ODAD2: variants seen among roughly 807,000 people sequenced by gnomAD.
The protein encoded by ODAD2 is outer dynein arm docking complex subunit 2, also known as outer dynein arm-docking complex subunit 2.
In ODAD2, 89 loss-of-function variants were observed where a neutral mutation model predicts 106.8. That is an observed-to-expected ratio of 0.83 (90% CI 0.70 to 0.99). The LOEUF (loss-of-function observed/expected upper bound fraction) is 0.99. Among genes scored for constraint, ODAD2 ranks in the 50% least tolerant of loss-of-function variants. The pLI is 0.00. For missense variants in ODAD2, 1,168 were observed against 1,238.5 expected (o/e 0.94, Z 0.85); for synonymous variants, 404 against 436.2 (o/e 0.93, Z 0.92).
At chr10:27,989,162 T>C (rs952913731) in intron 2 of ODAD2, among the ~76,000 whole-genome samples, 2 of 152,172 alleles carry the variant, frequency 1.3e-5, no homozygotes, top group African/African-American at 4.8e-5. Flanking sequence ...TTCTGACCTC[T>C]AGAACTGTAA....
chr10:27,824,169 A>T (rs1288894819), intron 19 of ODAD2, among the ~76,000 whole-genome samples: 6 of 141,648 alleles, frequency 4.2e-5, no homozygotes, highest in Middle Eastern at 3.5e-3. Context: ...AAAAAAAAAT[A>T]GTTCAATAAG....
chr10:27,992,561 G>A (rs529297149), intron 2 of ODAD2, among the ~76,000 whole-genome samples: 1 of 152,190 alleles, frequency 6.6e-6, no homozygotes, highest in Admixed American at 6.5e-5. Flanking sequence ...ATAGTAGTAT[G>A]TGCCTATAGT....
At chr10:27,984,985 AT>A in intron 4 of ODAD2, 33 bp downstream of exon 4, 1 of 1,569,740 alleles carries the variant, frequency 6.4e-7, no homozygotes, top group Non-Finnish European at 8.7e-7. Flanking sequence ...TCTTGGCTCA[AT>A]ACAATAGAGG....
chr10:27,965,255 T>C (rs112531111), intron 9 of ODAD2, among the ~76,000 whole-genome samples: 1 of 152,072 alleles, frequency 6.6e-6, no homozygotes, highest in South Asian at 2.1e-4. Context: ...GTAAGGTAGT[T>C]TGAAGCAATA....
At chr10:27,843,391 C>A (rs557459106) in intron 19 of ODAD2, among the ~76,000 whole-genome samples, 1 of 152,234 alleles carries the variant, frequency 6.6e-6, no homozygotes, top group East Asian at 1.9e-4. Context: ...GTGTACCACC[C>A]AGCATAACTG....
intron 17 of ODAD2, among the ~76,000 whole-genome samples, chr10:27,885,001 CA>C (rs1841979208): frequency 6.6e-6 from 1 of 151,802 alleles, no homozygotes; most frequent in African/African-American, 2.4e-5. Context: ...GCCCAGTTTT[CA>C]ACAGAAGATC....
chr10:27,928,107 T>G (rs1178304465), intron 16 of ODAD2, among the ~76,000 whole-genome samples: 1 of 152,112 alleles, frequency 6.6e-6, no homozygotes, highest in African/African-American at 2.4e-5. Flanking sequence ...GTGCCTACCC[T>G]GATCATGGTC....
chr10:27,966,129 G>C (rs1564557749), intron 9 of ODAD2, among the ~76,000 whole-genome samples: 1 of 151,918 alleles, frequency 6.6e-6, no homozygotes, highest in African/African-American at 2.4e-5. Context: ...GGCACAGAGA[G>C]CCCCAATTTT....
At chr10:27,827,201 C>T (rs973593070) in intron 19 of ODAD2, among the ~76,000 whole-genome samples, 1 of 151,932 alleles carries the variant, frequency 6.6e-6, no homozygotes, top group Non-Finnish European at 1.5e-5. Context: ...GAATCCCTTT[C>T]TTAACCCATT....
At chr10:27,979,777 T>C (rs962464835) in intron 7 of ODAD2, among the ~76,000 whole-genome samples, 12 of 152,338 alleles carry the variant, frequency 7.9e-5, no homozygotes, top group African/African-American at 2.9e-4. Flanking sequence ...ATGGTTAAGA[T>C]GGCAATACTA....
chr10:27,852,507 C>T (rs1839333599), intron 19 of ODAD2, among the ~76,000 whole-genome samples: 1 of 151,932 alleles, frequency 6.6e-6, no homozygotes, highest in South Asian at 2.1e-4. Context: ...AACTCTAAAG[C>T]AATCACTAAA....
At chr10:27,991,766 T>C (rs1355107228) in intron 2 of ODAD2, among the ~76,000 whole-genome samples, 1 of 152,140 alleles carries the variant, frequency 6.6e-6, no homozygotes, top group Non-Finnish European at 1.5e-5. Context: ...TAGAAACACA[T>C]CCAGAGACTC....
At chr10:27,962,780 C>T (rs1036885004) in intron 9 of ODAD2, among the ~76,000 whole-genome samples, 16 of 152,082 alleles carry the variant, frequency 1.1e-4, no homozygotes, top group African/African-American at 3.4e-4. Context: ...CTCCCACCGC[C>T]GGATGCCAGG....
chr10:27,885,785 T>TTATATATAA (rs1564466686), intron 17 of ODAD2, among the ~76,000 whole-genome samples: 2 of 27,222 alleles, frequency 7.3e-5, no homozygotes, highest in East Asian at 8.2e-4. Context: ...AAAATATATA[T>TTATATATAA]TATATATAAT....
At chr10:27,874,262 A>G (rs1053560212) in intron 17 of ODAD2, among the ~76,000 whole-genome samples, 4 of 152,046 alleles carry the variant, frequency 2.6e-5, no homozygotes, top group Admixed American at 6.5e-5. Context: ...TGCACATGAG[A>G]TGGGTCTCCT....
intron 19 of ODAD2, among the ~76,000 whole-genome samples, chr10:27,821,848 GTTCC>G (rs1836640117): frequency 6.6e-6 from 1 of 152,042 alleles, no homozygotes. Flanking sequence ...TGAAGTCCTT[GTTCC>G]TTTCAAACTT....
chr10:27,892,694 T>C (rs768567593), intron 17 of ODAD2, among the ~76,000 whole-genome samples: 2 of 152,222 alleles, frequency 1.3e-5, no homozygotes, highest in Non-Finnish European at 2.9e-5. Context: ...GTTTTATGCA[T>C]TTAATAACAA....
chr10:27,868,073 GA>G (rs1307044853), intron 17 of ODAD2, among the ~76,000 whole-genome samples: 1 of 151,968 alleles, frequency 6.6e-6, no homozygotes, highest in East Asian at 1.9e-4. Context: ...CAACAAACAT[GA>G]AAAAAAGCTA....
chr10:27,987,999 C>G (rs1849985108), intron 2 of ODAD2, among the ~76,000 whole-genome samples: 1 of 148,848 alleles, frequency 6.7e-6, no homozygotes, highest in South Asian at 2.1e-4. Context: ...TGTTTATGAA[C>G]AAAAAAACTA....
Sources: gnomAD v4.1 joint callset for allele counts (sites outside exome capture counted in the v4.1 genomes callset) on GRCh38, gnomAD v4.1.1 for gene constraint, MANE v1.5 for transcripts, NCBI Gene and HGNC (gene_info 2026-07-23, HGNC 2026-07-21) for gene names.